LRRN1: variants seen among roughly 807,000 people sequenced by gnomAD.
LRRN1 encodes the protein leucine rich repeat neuronal 1.
LRRN1 carries 14 observed loss-of-function variants against 45.8 expected under a neutral mutation model. The observed-to-expected ratio is 0.31, with a 90% confidence interval of 0.20 to 0.48. The LOEUF is 0.48. Ranked by LOEUF, LRRN1 falls within the 20% of genes least tolerant of loss-of-function variation. The pLI, the probability that LRRN1 is intolerant of heterozygous loss-of-function variation, is 0.99. For synonymous variants in LRRN1, 359 were observed against 330.1 expected (o/e 1.09, Z -0.95); for missense variants, 789 against 874.2 (o/e 0.90, Z 1.23).
chr3:3,839,090 T>G (rs76291243), intron 1 of LRRN1, among the ~76,000 whole-genome samples: 2,843 of 152,252 alleles, frequency 0.019, 31 homozygotes, highest in Middle Eastern at 0.037. Flanking sequence ...CCAAATACCC[T>G]GAAGCTTTTT....
intron 1 of LRRN1, among the ~76,000 whole-genome samples, chr3:3,842,281 G>T (rs1336241488): frequency 6.6e-6 from 1 of 151,892 alleles, no homozygotes; most frequent in East Asian, 1.9e-4. Context: ...AGATGGGGAG[G>T]AGGGAGAAGA....
intron 1 of LRRN1, among the ~76,000 whole-genome samples, chr3:3,807,680 C>G (rs1692794341): frequency 6.6e-6 from 1 of 152,150 alleles, no homozygotes; most frequent in South Asian, 2.1e-4. Context: ...TTTCCAGGAT[C>G]AGGAGTGAGA....
chr3:3,800,183 G>A (rs1160546499), intron 1 of LRRN1, among the ~76,000 whole-genome samples: 1 of 151,548 alleles, frequency 6.6e-6, no homozygotes, highest in African/African-American at 2.4e-5. Flanking sequence ...AGTTGGGAAG[G>A]CAGGCCAGAT....
Position 3,845,784 on chromosome 3 carries a change from G to C in LRRN1, c.1143G>C (p.Trp381Cys). 1 of 1,614,072 alleles carries C rather than the reference G, an allele frequency of 6.2e-7. No individual in the cohort carries two copies. Among genetic ancestry groups the C allele is most frequent in the Non-Finnish European group, 8.5e-7 (1 of 1,180,020 alleles). ...TCAGGTGTGACTGTGTGATCCACTG[G>C]ATTAACTCCAACAAAACCAACATCC... ...NPLRCDCVIHWINSNKTNIRF... is the reference protein window; with the variant it reads ...NPLRCDCVIHCINSNKTNIRF... The change falls in exon 2 of 2, where the codon TGG becomes TGC. Residue 381 changes from tryptophan to cysteine, a missense_variant. Trp to Cys is a radical substitution (Grantham distance 215). Transcript: ENST00000319331. This position sits in a 1 kb window ranked among gnomAD's most constrained non-coding sequence, Gnocchi z 6.5.
intron 1 of LRRN1, among the ~76,000 whole-genome samples, chr3:3,831,984 C>T (rs1693381642): frequency 6.6e-6 from 1 of 152,206 alleles, no homozygotes; most frequent in Non-Finnish European, 1.5e-5. Flanking sequence ...AAGGCATTTG[C>T]CATGTCAATG....
intron 1 of LRRN1, among the ~76,000 whole-genome samples, chr3:3,828,837 T>C (rs1693294126): frequency 6.6e-6 from 1 of 152,184 alleles, no homozygotes; most frequent in African/African-American, 2.4e-5. Flanking sequence ...AAGGAGGAAA[T>C]ACTCATGACA....
rs1173244354 is a variant in LRRN1 at position 3,845,981 on chromosome 3, G to C, written c.1340G>C (p.Cys447Ser). The change falls in exon 2 of 2, where the codon TGT becomes TCT. Residue 447 changes from cysteine (C) to serine (S), a missense_variant. Transcript: ENST00000319331. This position sits in a 1 kb window ranked among gnomAD's most constrained non-coding sequence, Gnocchi z 6.5. ...ATCGGCACGACGGTTTTCCTAGACT[G>C]TCGAGCCATGGCTGAGCCAGAACCT... ...VDIGTTVFLDCRAMAEPEPEI... is the reference protein window; with the variant it reads ...VDIGTTVFLDSRAMAEPEPEI... 6.2e-7 allele frequency: 1 copy of C among 1,614,018 alleles called. No homozygotes were observed. Among genetic ancestry groups the C allele is most frequent in the Admixed American group, 1.7e-5 (1 of 60,022 alleles).
chr3:3,823,938 C>T (rs539211159), intron 1 of LRRN1, among the ~76,000 whole-genome samples: 9 of 152,268 alleles, frequency 5.9e-5, no homozygotes, highest in African/African-American at 1.4e-4. Context: ...AGCCCAGCCT[C>T]ATCATTTAGA....
intron 1 of LRRN1, among the ~76,000 whole-genome samples, chr3:3,812,403 G>A (rs879456068): frequency 1.3e-5 from 2 of 152,202 alleles, no homozygotes; most frequent in African/African-American, 2.4e-5. Flanking sequence ...AAAGCGTATG[G>A]AGAGGGAAGA....
chr3:3,837,166 G>A (rs944769809), intron 1 of LRRN1, among the ~76,000 whole-genome samples: 9 of 152,218 alleles, frequency 5.9e-5, no homozygotes, highest in Non-Finnish European at 8.8e-5. Context: ...AGACGCTGGG[G>A]AAGATGCCGG....
chr3:3,840,663 G>T (rs1693632242), intron 1 of LRRN1, among the ~76,000 whole-genome samples: 1 of 152,158 alleles, frequency 6.6e-6, no homozygotes. Context: ...AGGATGTGGA[G>T]AGGAAATTCT....
chr3:3,835,491 G>A (rs1475834878), intron 1 of LRRN1, among the ~76,000 whole-genome samples: 1 of 151,936 alleles, frequency 6.6e-6, no homozygotes, highest in Non-Finnish European at 1.5e-5. Flanking sequence ...CTTGCACAAA[G>A]TGACACATCT....
Position 3,800,541 on chromosome 3 carries a change from G to A in LRRN1, c.-279+622G>A, listed in dbSNP as rs552585849. Among the ~76,000 whole-genome samples, 174 of 152,022 alleles carry A rather than the reference G, an allele frequency of 1.1e-3. 1 individual carries two copies. Among genetic ancestry groups the A allele is most frequent in the African/African-American group, 4.1e-3 (168 of 41,392 alleles). On this transcript the variant is annotated intron_variant, in intron 1 of 1. Coordinates refer to ENST00000319331, the MANE Select transcript of LRRN1 (RefSeq NM_020873.7). ...ACCGAACTCTCGGCGGTCCACGCGG[G>A]GACAGACCTCAGCCCGTGAGCCTTG... is the stretch of plus-strand genomic sequence containing the variant.
intron 1 of LRRN1, among the ~76,000 whole-genome samples, chr3:3,830,644 G>A (rs1693351346): frequency 6.6e-6 from 1 of 152,198 alleles, no homozygotes; most frequent in Non-Finnish European, 1.5e-5. Context: ...AAGGCAGGGT[G>A]GCCTGAGTGG....
At chr3:3,828,429 CAGAT>C (rs1341268197) in intron 1 of LRRN1, among the ~76,000 whole-genome samples, 2 of 151,858 alleles carry the variant, frequency 1.3e-5, no homozygotes, top group Non-Finnish European at 2.9e-5. Context: ...TCGTGCCCAC[CAGAT>C]TAAGGGTGGG....
Position 3,845,585 on chromosome 3 carries a change from C to G in LRRN1, c.944C>G (p.Thr315Arg). The G allele has an allele frequency of 6.2e-7, 1 of 1,613,986 alleles. No individual in the cohort carries two copies. The highest frequency in any genetic ancestry group is 2.2e-5 in the East Asian group (1 of 44,876). The change falls in exon 2 of 2, where the codon ACA becomes AGA. Residue 315 changes from threonine to arginine, a missense_variant. Transcript: ENST00000319331. The surrounding 1 kb of genome is among the most constrained non-coding windows in gnomAD (Gnocchi z 6.5). ...RYALDNLPEL[T>R]KLEATNNPKL... The stretch of plus-strand genomic sequence containing the variant: ...GCCCTGGATAACTTGCCTGAACTCA[C>G]AAAGCTGGAAGCCACCAATAACCCT...
intron 1 of LRRN1, among the ~76,000 whole-genome samples, chr3:3,812,943 C>G (rs959976162): frequency 6.6e-5 from 10 of 152,152 alleles, no homozygotes; most frequent in South Asian, 2.1e-4. Flanking sequence ...TTTTCTGCTC[C>G]TCATAACCTT....
chr3:3,834,086 A>AT (rs1693431459), intron 1 of LRRN1, among the ~76,000 whole-genome samples: 1 of 152,094 alleles, frequency 6.6e-6, no homozygotes, highest in African/African-American at 2.4e-5. Flanking sequence ...ATCTTAGCAG[A>AT]TTTGAGGCTC....
chr3:3,820,297 A>T (rs1464510706), intron 1 of LRRN1, among the ~76,000 whole-genome samples: 1 of 152,144 alleles, frequency 6.6e-6, no homozygotes, highest in African/African-American at 2.4e-5. Flanking sequence ...TTCAACAGTC[A>T]TTTTCGAGTA....
Sources: allele counts gnomAD v4.1 joint callset (sites outside exome capture counted in the v4.1 genomes callset), GRCh38; gene constraint gnomAD v4.1.1; non-coding constraint Gnocchi (gnomAD v3.1); transcripts MANE v1.5; gene names NCBI Gene and HGNC (gene_info 2026-07-23, HGNC 2026-07-21).